GLE1: variants seen among roughly 807,000 people sequenced by gnomAD.
GLE1 encodes the protein GLE1 RNA export mediator.
GLE1 carries 78 observed loss-of-function variants against 97.3 expected under a neutral mutation model. That is an observed-to-expected ratio of 0.80 (90% CI 0.67 to 0.97). The LOEUF (loss-of-function observed/expected upper bound fraction) is 0.97, where lower values mean the gene tolerates loss of function less well. Ranked by LOEUF, GLE1 falls within the 50% of genes least tolerant of loss-of-function variation. GLE1 has a pLI of 0.00. For synonymous variants in GLE1, 302 were observed against 313.4 expected (o/e 0.96, Z 0.39); for missense variants, 753 against 857.5 (o/e 0.88, Z 1.52).
intron 9 of GLE1, 68 bp downstream of exon 9, chr9:128,527,593 G>A (rs994489841): frequency 1.2e-5 from 11 of 927,910 alleles, no homozygotes; most frequent in African/African-American, 1.1e-4. Flanking sequence ...CCAAATCTAT[G>A]TATCTGTAAG....
intron 9 of GLE1, among the ~76,000 whole-genome samples, chr9:128,533,260 C>CA (rs368511588): frequency 1.4e-3 from 174 of 127,706 alleles, no homozygotes; most frequent in South Asian, 1.7e-3. Flanking sequence ...CCCATCTCTA[C>CA]AAAAAAAAAA....
chr9:128,529,637 A>G (rs1564154254), intron 9 of GLE1, among the ~76,000 whole-genome samples: 2 of 151,710 alleles, frequency 1.3e-5, no homozygotes, highest in Non-Finnish European at 2.9e-5. Context: ...TTTGGCCTCC[A>G]TGGTGCCATT....
At chr9:128,506,891 C>T (rs571914283) in intron 1 of GLE1, among the ~76,000 whole-genome samples, 17 of 152,170 alleles carry the variant, frequency 1.1e-4, no homozygotes, top group Non-Finnish European at 2.4e-4. Flanking sequence ...AGTTTGGCTC[C>T]TGTTATTCTC....
At chr9:128,531,360 T>C (rs1046662420) in intron 9 of GLE1, among the ~76,000 whole-genome samples, 1 of 150,990 alleles carries the variant, frequency 6.6e-6, no homozygotes, top group Non-Finnish European at 1.5e-5. Context: ...AAACCCCATC[T>C]CTACTAAAAT....
Position 128,504,736 on chromosome 9 carries a change from T to C in GLE1, c.-70T>C. ...CCGGAAGCAGAAGCCTGTGTGGCCT[T>C]CCCGGCGGCTGATTCGAGGGCTTGT... On this transcript the variant is annotated 5_prime_UTR_variant, in exon 1 of 16. Coordinates refer to ENST00000309971, the MANE Select transcript of GLE1 (RefSeq NM_001003722.2). 4 of 1,066,396 alleles carry C rather than the reference T, an allele frequency of 3.8e-6. No homozygotes were observed. Among genetic ancestry groups the C allele is most frequent in the Non-Finnish European group, 5.8e-6 (4 of 686,822 alleles). 66.1% of individuals were successfully genotyped at this position (1,066,396 alleles called of 1,614,324 possible).
Position 128,525,174 on chromosome 9 carries a change from TC to T in GLE1, c.898-17del. On this transcript the variant is annotated splice_polypyrimidine_tract_variant and intron_variant, in intron 6 of 15. Coordinates refer to ENST00000309971, the MANE Select transcript of GLE1 (RefSeq NM_001003722.2). Reference sequence around the variant, plus strand: ...CCTAGGGAATGACCACTAAGCACCATCTCCGTCACTCTGACAGAGCAGCTAT... The same window carrying T: ...CCTAGGGAATGACCACTAAGCACCATTCCGTCACTCTGACAGAGCAGCTAT... 1 of 1,583,304 alleles carries T rather than the reference TC, an allele frequency of 6.3e-7. No individual in the cohort carries two copies. Among genetic ancestry groups the T allele is most frequent in the Non-Finnish European group, 8.7e-7 (1 of 1,151,848 alleles).
chr9:128,512,697 C>T (rs1030656359), intron 2 of GLE1, among the ~76,000 whole-genome samples: 2 of 150,896 alleles, frequency 1.3e-5, no homozygotes, highest in Admixed American at 6.6e-5. Flanking sequence ...TATGGAGTTT[C>T]GCTTTTGTCG....
At chr9:128,527,405 C>A (rs1290848879) in intron 8 of GLE1, 51 bp from the exon 9 acceptor site, 3 of 1,366,562 alleles carry the variant, frequency 2.2e-6, no homozygotes, top group Non-Finnish European at 3.1e-6. Flanking sequence ...TTCTAAGTGA[C>A]ATCTACTCAG....
rs746377265 is a variant in GLE1, at chr9:128,522,722, G to A, written c.487G>A (p.Glu163Lys). The A allele has an allele frequency of 6.2e-7, 1 of 1,613,806 alleles. No individual in the cohort carries two copies. The highest frequency in any genetic ancestry group is 8.5e-7 in the Non-Finnish European group (1 of 1,179,958). ...EQERKVQALS[E>K]MASEQLKRFD... ...GGAGAGGAAGGTGCAAGCCCTCTCG[G>A]AGATGGCATCTGAACAACTGAAGCG... The change falls in exon 4 of 16, where the codon GAG becomes AAG. Residue 163 changes from glutamate (E) to lysine (K), a missense_variant. Transcript: ENST00000309971.
chr9:128,507,810 C>T (rs1443798434), intron 1 of GLE1, among the ~76,000 whole-genome samples: 1 of 152,034 alleles, frequency 6.6e-6, no homozygotes, highest in Admixed American at 6.5e-5. Context: ...ATTGCTTGAA[C>T]CCGGGAGGTG....
intron 7 of GLE1, among the ~76,000 whole-genome samples, chr9:128,526,390 C>G (rs1386599679): frequency 6.6e-5 from 10 of 151,716 alleles, no homozygotes; most frequent in Non-Finnish European, 1.5e-4. Flanking sequence ...GAGTTTTGCT[C>G]TTGTTGCCCA....
rs1846593916 is a variant in GLE1 at position 128,504,845 on chromosome 9, C to A, written c.40C>A (p.Leu14Ile). 2 of 1,613,596 alleles carry A rather than the reference C, an allele frequency of 1.2e-6. No individual in the cohort carries two copies. Among genetic ancestry groups the A allele is most frequent in the Non-Finnish European group, 1.7e-6 (2 of 1,179,512 alleles). The change falls in exon 1 of 16, where the codon CTA becomes ATA. Residue 14 changes from leucine to isoleucine, a missense_variant. Coordinates refer to ENST00000309971, the MANE Select transcript of GLE1 (RefSeq NM_001003722.2). ...TCGCTGCTGGGAGACCTTGAAGGCCCTACGCAGTTCCGACAAAGGTCGCCT... is the reference window on the plus strand; with the variant it reads ...TCGCTGCTGGGAGACCTTGAAGGCCATACGCAGTTCCGACAAAGGTCGCCT... ...EGRCWETLKA[L>I]RSSDKGRLCY... is the part of the protein sequence containing the mutation.
At chr9:128,524,913 CAG>C (rs918104576) in intron 6 of GLE1, among the ~76,000 whole-genome samples, 103 of 152,100 alleles carry the variant, frequency 6.8e-4, no homozygotes, top group African/African-American at 2.5e-3. Context: ...TATAATAAAA[CAG>C]TATTATTTTT....
intron 1 of GLE1, 50 bp downstream of exon 1, chr9:128,504,954 A>C (rs1442970975): frequency 8.1e-7 from 1 of 1,241,312 alleles, no homozygotes; most frequent in Non-Finnish European, 1.2e-6. Context: ...CTCGCGACCG[A>C]AACCTTCTCC....
Position 128,533,609 on chromosome 9 carries a change from C to T in GLE1, c.1409C>T (p.Pro470Leu). Residue 470 changes from proline to leucine, a missense_variant, in exon 10 of 16, where the codon CCA becomes CTA. Physicochemically the swap from Pro to Leu is moderately conservative, Grantham distance 98. Coordinates refer to ENST00000309971, the MANE Select transcript of GLE1 (RefSeq NM_001003722.2). ...GGRSVSVTLN[P>L]QGLDFVQYKL... ...CGCTCTGTGTCTGTCACACTTAACC[C>T]ACAGGGGCTGGACTTTGTTCAATAC... 6.2e-7 allele frequency: 1 copy of T among 1,614,004 alleles called. No homozygotes were observed. Among genetic ancestry groups the T allele is most frequent in the Non-Finnish European group, 8.5e-7 (1 of 1,179,944 alleles).
At chr9:128,506,526 G>A (rs1226584573) in intron 1 of GLE1, among the ~76,000 whole-genome samples, 1 of 152,104 alleles carries the variant, frequency 6.6e-6, no homozygotes, top group Non-Finnish European at 1.5e-5. Context: ...TGTCCCAGGT[G>A]CAAGTTTCCC....
chr9:128,531,089 C>G (rs567191768), intron 9 of GLE1, among the ~76,000 whole-genome samples: 1 of 151,772 alleles, frequency 6.6e-6, no homozygotes, highest in South Asian at 2.1e-4. Flanking sequence ...TGGTGCATGC[C>G]TGTAATCCCA....
chr9:128,535,794 G>A (rs1467568410), intron 11 of GLE1, among the ~76,000 whole-genome samples: 3 of 151,528 alleles, frequency 2.0e-5, no homozygotes, highest in South Asian at 2.1e-4. Context: ...TAGCCTGGGC[G>A]ACAAGATGGA....
intron 7 of GLE1, among the ~76,000 whole-genome samples, 171 bp from the exon 8 acceptor site, chr9:128,527,008 T>C (rs1023199737): frequency 6.6e-6 from 1 of 152,218 alleles, no homozygotes; most frequent in African/African-American, 2.4e-5. Context: ...CTTAACCTTT[T>C]TGTGCCTGTT....
Sources: gnomAD v4.1 joint callset for allele counts (sites outside exome capture counted in the v4.1 genomes callset) on GRCh38, gnomAD v4.1.1 for gene constraint, MANE v1.5 for transcripts, NCBI Gene and HGNC (gene_info 2026-07-23, HGNC 2026-07-21) for gene names.